Variants in OR9Q1 observed in about 807,000 individuals in gnomAD.
OR9Q1 encodes olfactory receptor 9Q1.
For synonymous variants in OR9Q1, 153 were observed against 148.6 expected (o/e 1.03, Z -0.22); for missense variants, 374 against 378.8 (o/e 0.99, Z 0.11).
Position 58,136,396 on chromosome 11 carries a change from G to C in OR9Q1, c.-14-43035G>C, listed in dbSNP as rs138259980. Reference sequence around the variant, plus strand: ...AAATATTTGTAGGTTTTCAAAACAGGAAACTGTTGCTTCAGTCTTCTATTC... The same window carrying C: ...AAATATTTGTAGGTTTTCAAAACAGCAAACTGTTGCTTCAGTCTTCTATTC... On this transcript the variant is annotated intron_variant, in intron 2 of 2. Transcript: ENST00000335397. Among the ~76,000 whole-genome samples the C allele has an allele frequency of 1.5e-4, 23 of 152,218 alleles. 1 individual carries two copies. In the East Asian group the frequency reaches 4.4e-3, roughly 29 times the overall value.
intron 2 of OR9Q1, among the ~76,000 whole-genome samples, chr11:58,149,979 C>G (rs1854334443): frequency 6.6e-6 from 1 of 152,156 alleles, no homozygotes; most frequent in African/African-American, 2.4e-5. Flanking sequence ...ATAGTGTATA[C>G]TACTTAAAAG....
chr11:58,074,666 A>C (rs1339664867), intron 2 of OR9Q1, among the ~76,000 whole-genome samples: 1 of 152,088 alleles, frequency 6.6e-6, no homozygotes, highest in Non-Finnish European at 1.5e-5. Context: ...TGTTTTAGTT[A>C]TGAAGTCTTT....
chr11:58,111,584 G>A (rs1030736342), intron 2 of OR9Q1, among the ~76,000 whole-genome samples: 1 of 152,100 alleles, frequency 6.6e-6, no homozygotes, highest in African/African-American at 2.4e-5. Context: ...CTTTTTTGGA[G>A]TGGCCAGTAC....
intron 1 of OR9Q1, among the ~76,000 whole-genome samples, chr11:58,030,112 G>C (rs1373006919): frequency 2.0e-5 from 3 of 152,068 alleles, no homozygotes; most frequent in Non-Finnish European, 4.4e-5. Context: ...AAAGTGCTGG[G>C]ATTACACATA....
intron 2 of OR9Q1, among the ~76,000 whole-genome samples, 191 bp downstream of exon 2, chr11:58,056,138 G>A (rs1182427002): frequency 2.0e-5 from 3 of 152,148 alleles, no homozygotes; most frequent in Admixed American, 2.0e-4. Context: ...TCTAAGAAAG[G>A]AAGCCAGTCT....
At chr11:58,080,970 C>T (rs1434659342) in intron 2 of OR9Q1, among the ~76,000 whole-genome samples, 2 of 151,432 alleles carry the variant, frequency 1.3e-5, no homozygotes, top group African/African-American at 4.9e-5. Flanking sequence ...CTCCCCTTGT[C>T]CCCCACCCCC....
At chr11:58,119,161 C>T in intron 2 of OR9Q1, 4 of 1,613,950 alleles carry the variant, frequency 2.5e-6, no homozygotes, top group Non-Finnish European at 3.4e-6. Flanking sequence ...AGCACAGTGG[C>T]CGTAGGAGAT....
At chr11:58,120,057 TA>T (rs1422537578) in intron 2 of OR9Q1, among the ~76,000 whole-genome samples, 4 of 152,188 alleles carry the variant, frequency 2.6e-5, no homozygotes, top group Non-Finnish European at 4.4e-5. Flanking sequence ...CAATGGGCAG[TA>T]AAAAAATTGC....
At chr11:58,101,124 A>G (rs1853779601) in intron 2 of OR9Q1, among the ~76,000 whole-genome samples, 1 of 151,996 alleles carries the variant, frequency 6.6e-6, no homozygotes, top group African/African-American at 2.4e-5. Context: ...ATGACTATAC[A>G]TATATTTATA....
At chr11:58,032,758 A>T (rs1283181979) in intron 1 of OR9Q1, among the ~76,000 whole-genome samples, 1 of 152,264 alleles carries the variant, frequency 6.6e-6, no homozygotes, top group Non-Finnish European at 1.5e-5. Context: ...ACAAAAATTA[A>T]CAAGTGGGAC....
chr11:58,124,119 G>C (rs939122288), intron 2 of OR9Q1, among the ~76,000 whole-genome samples: 5 of 152,104 alleles, frequency 3.3e-5, no homozygotes, highest in African/African-American at 1.2e-4. Context: ...GAGCAGACTG[G>C]TGACACCCAG....
chr11:58,042,173 A>G (rs1853171407), intron 1 of OR9Q1, among the ~76,000 whole-genome samples: 2 of 151,178 alleles, frequency 1.3e-5, no homozygotes, highest in African/African-American at 4.8e-5. Flanking sequence ...AGTGATTTTA[A>G]GGATGTATTT....
rs889439643 is a variant in OR9Q1 at position 58,045,727 on chromosome 11, T to A, written c.-92-10143T>A. Among the ~76,000 whole-genome samples the A allele has an allele frequency of 2.0e-5, 3 of 152,234 alleles. No individual in the cohort carries two copies. In the South Asian group the frequency reaches 6.2e-4, roughly 32 times the overall value. On this transcript the variant is annotated intron_variant, in intron 1 of 2. Coordinates refer to ENST00000335397, the MANE Select transcript of OR9Q1 (RefSeq NM_001005212.4). Reference sequence around the variant, plus strand: ...CCTTTGTTTATATTTAAGGGACTAATTTTCCCCTAGCCCCAACAGAACTGG... The same window carrying A: ...CCTTTGTTTATATTTAAGGGACTAAATTTCCCCTAGCCCCAACAGAACTGG...
intron 1 of OR9Q1, among the ~76,000 whole-genome samples, chr11:58,053,744 T>G (rs921601491): frequency 3.4e-5 from 5 of 146,054 alleles, no homozygotes; most frequent in Admixed American, 1.4e-4. Flanking sequence ...TTCTAACTCT[T>G]CATGGCTGAG....
chr11:58,097,668 G>A (rs895127997), intron 2 of OR9Q1, among the ~76,000 whole-genome samples: 3 of 152,152 alleles, frequency 2.0e-5, no homozygotes, highest in East Asian at 1.9e-4. Flanking sequence ...AATGTTCATA[G>A]CAGCCATGTT....
chr11:58,117,620 T>C (rs1490223106), intron 2 of OR9Q1: 4 of 152,128 alleles, frequency 2.6e-5, no homozygotes, highest in Non-Finnish European at 4.4e-5. Context: ...GAAGGTAATA[T>C]GGGGTTCAGT....
chr11:58,156,309 C>T (rs1053947354), intron 2 of OR9Q1, among the ~76,000 whole-genome samples: 2 of 152,100 alleles, frequency 1.3e-5, no homozygotes, highest in African/African-American at 4.8e-5. Context: ...GTCCCCAAGC[C>T]CTGTATAGAA....
At chr11:58,124,986 C>T (rs1854074732) in intron 2 of OR9Q1, among the ~76,000 whole-genome samples, 1 of 152,142 alleles carries the variant, frequency 6.6e-6, no homozygotes, top group Non-Finnish European at 1.5e-5. Context: ...TCCAAGGTCA[C>T]ATGACTAGTC....
intron 2 of OR9Q1, among the ~76,000 whole-genome samples, chr11:58,135,181 G>A (rs1377617498): frequency 6.6e-6 from 1 of 152,180 alleles, no homozygotes; most frequent in Admixed American, 6.5e-5. Flanking sequence ...GACCATGCTG[G>A]TTCTGCCTTT....
Sources: gnomAD v4.1 joint callset for allele counts (sites outside exome capture counted in the v4.1 genomes callset) on GRCh38, gnomAD v4.1.1 for gene constraint, MANE v1.5 for transcripts, NCBI Gene and HGNC (gene_info 2026-07-23, HGNC 2026-07-21) for gene names.